The following FAAH2 variants were observed in gnomAD, a reference collection of about 807,000 sequenced individuals.
FAAH2 encodes the protein fatty acid amide hydrolase 2.
Under a neutral mutation model 36.9 loss-of-function variants are expected in FAAH2, and 60 were observed. That is an observed-to-expected ratio of 1.63 (90% CI 1.32 to 2.02). The LOEUF is 2.02. FAAH2 is among the 30% of genes most tolerant of loss of function. The pLI, the probability that FAAH2 is intolerant of heterozygous loss-of-function variation, is 0.00. For missense variants in FAAH2, 689 were observed against 397.5 expected (o/e 1.73, Z -6.23); for synonymous variants, 214 against 143.8 (o/e 1.49, Z -3.49).
chrX:57,278,773 A>T, the FAAH2 span, among the ~76,000 whole-genome samples: 1 of 112,040 alleles, frequency 8.9e-6, no homozygotes, highest in East Asian at 2.8e-4. Context: ...AAACAAAAAA[A>T]CACATTAAAA....
chrX:57,171,879 A>G, the FAAH2 span, among the ~76,000 whole-genome samples: 1 of 111,804 alleles, frequency 8.9e-6, no homozygotes, highest in Admixed American at 9.5e-5. Flanking sequence ...TATAATTTTT[A>G]TGGTTTCAGG....
chrX:57,365,672 C>A (rs1266328009), intron 5 of FAAH2, among the ~76,000 whole-genome samples: 4 of 111,968 alleles, frequency 3.6e-5, no homozygotes, highest in African/African-American at 1.3e-4. Flanking sequence ...CTTGCTCTCT[C>A]TGTCTCTTTC....
In FAAH2 at chrX:57,286,778, G is replaced by A. The variant is rs1229537025; in HGVS notation, c.-48G>A. 3 of 1,046,939 alleles carry A rather than the reference G, an allele frequency of 2.9e-6. No individual in the cohort carries two copies. The highest frequency in any genetic ancestry group is 3.7e-6 in the Non-Finnish European group (3 of 805,438). 86.3% of individuals were successfully genotyped at this position (1,046,939 alleles called of 1,213,427 possible). ...AGTACTTTTCTCGTCCTTTCCCCAG[G>A]GTGCACGTAACCCTCAAGCACTAGG... is the stretch of plus-strand genomic sequence containing the variant. On this transcript the variant is annotated 5_prime_UTR_variant, in exon 1 of 11. Transcript: ENST00000374900.
At chrX:57,417,997 A>C (rs1468286664) in intron 7 of FAAH2, among the ~76,000 whole-genome samples, 3 of 111,245 alleles carry the variant, frequency 2.7e-5, no homozygotes, top group African/African-American at 9.8e-5. Flanking sequence ...GGCTCCCCCC[A>C]GTTTGAACTT....
At chrX:57,466,148 CTCTCTCTCTATA>C (rs1343858435) in intron 10 of FAAH2, among the ~76,000 whole-genome samples, 1 of 78,562 alleles carries the variant, frequency 1.3e-5, no homozygotes, top group African/African-American at 5.8e-5. Flanking sequence ...CTCTCTCTCT[CTCTCTCTCTATA>C]TATATATATA....
intron 4 of FAAH2, among the ~76,000 whole-genome samples, 160 bp downstream of exon 4, chrX:57,331,967 T>C (rs1257109851): frequency 8.9e-6 from 1 of 112,139 alleles, no homozygotes; most frequent in African/African-American, 3.2e-5. Flanking sequence ...GGGAGTCATG[T>C]AACAGCCTTG....
chrX:57,437,724 TA>T (rs1435451816), intron 8 of FAAH2, among the ~76,000 whole-genome samples: 4 of 82,470 alleles, frequency 4.9e-5, no homozygotes, highest in African/African-American at 1.9e-4. Context: ...CATATTTATA[TA>T]TTATATATTA....
intron 3 of FAAH2, among the ~76,000 whole-genome samples, chrX:57,323,094 T>G (rs764814707): frequency 9.9e-5 from 11 of 111,437 alleles, no homozygotes; most frequent in African/African-American, 3.3e-4. Flanking sequence ...TTTGGTTTTT[T>G]GTCTTTGCAA....
At chrX:57,171,197 G>A in the FAAH2 span, among the ~76,000 whole-genome samples, 11 of 111,607 alleles carry the variant, frequency 9.9e-5, no homozygotes, top group East Asian at 2.8e-3. Context: ...CTTTGCAATT[G>A]TGAATTGTGC....
At chrX:57,275,640 G>A in the FAAH2 span, among the ~76,000 whole-genome samples, 1 of 112,052 alleles carries the variant, frequency 8.9e-6, no homozygotes, top group Non-Finnish European at 1.9e-5. Flanking sequence ...AAATTGGATA[G>A]AGTCGAGACC....
chrX:57,467,354 A>C (rs2057069788), intron 10 of FAAH2, among the ~76,000 whole-genome samples: 1 of 111,116 alleles, frequency 9.0e-6, no homozygotes, highest in Admixed American at 9.6e-5. Flanking sequence ...TTCCTAGTCA[A>C]AGAAAGGGGT....
chrX:57,440,426 G>T (rs1309151630), intron 8 of FAAH2, among the ~76,000 whole-genome samples: 2 of 111,244 alleles, frequency 1.8e-5, no homozygotes, highest in Non-Finnish European at 3.8e-5. Context: ...GTATAGGAAT[G>T]CTTGTGATTT....
At chrX:57,395,413 CT>C in intron 7 of FAAH2, 1 of 698,023 alleles carries the variant, frequency 1.4e-6, no homozygotes, top group Non-Finnish European at 2.2e-6. Flanking sequence ...GTGCCATGGC[CT>C]TTATTAGTCT....
the FAAH2 span, among the ~76,000 whole-genome samples, chrX:57,209,844 G>T: frequency 9.0e-6 from 1 of 111,078 alleles, no homozygotes; most frequent in African/African-American, 3.3e-5. Context: ...TCAGTCTTTT[G>T]GGAACTCAGG....
chrX:57,329,137 G>A (rs2053319095), intron 3 of FAAH2, among the ~76,000 whole-genome samples: 2 of 112,335 alleles, frequency 1.8e-5, no homozygotes, highest in Non-Finnish European at 3.8e-5. Context: ...GCAGGTACCA[G>A]GGTGCTGACC....
chrX:57,282,003 T>C (rs754927772), upstream of FAAH2, among the ~76,000 whole-genome samples: 1 of 112,260 alleles, frequency 8.9e-6, no homozygotes, highest in South Asian at 3.7e-4. Flanking sequence ...ATGTCTTTGT[T>C]ATTGTGAATA....
chrX:57,316,249 C>T (rs1479020219), intron 3 of FAAH2, among the ~76,000 whole-genome samples: 2 of 111,650 alleles, frequency 1.8e-5, no homozygotes, highest in African/African-American at 3.2e-5. Flanking sequence ...AATGTAAAAA[C>T]ATTTCATGTT....
the FAAH2 span, among the ~76,000 whole-genome samples, chrX:57,253,921 C>T: frequency 9.0e-6 from 1 of 111,511 alleles, no homozygotes; most frequent in South Asian, 3.7e-4. Context: ...TCACACATAA[C>T]AATATTAACC....
intron 5 of FAAH2, among the ~76,000 whole-genome samples, chrX:57,370,883 G>A (rs767824719): frequency 1.2e-4 from 13 of 111,381 alleles, no homozygotes; most frequent in Admixed American, 9.5e-5. Flanking sequence ...ACCTCACAGT[G>A]CATGTAAAAA....
Sources: allele counts gnomAD v4.1 joint callset (sites outside exome capture counted in the v4.1 genomes callset), GRCh38; gene constraint gnomAD v4.1.1; transcripts MANE v1.5; gene names NCBI Gene and HGNC (gene_info 2026-07-23, HGNC 2026-07-21).